CEP57L1: variants seen among roughly 807,000 people sequenced by gnomAD.
The protein encoded by CEP57L1 is centrosomal protein 57 like 1, also known as centrosomal protein CEP57L1.
Under a neutral mutation model 61.0 loss-of-function variants are expected in CEP57L1, and 37 were observed. The observed-to-expected ratio is 0.61, with a 90% CI of 0.47 to 0.80. The LOEUF (loss-of-function observed/expected upper bound fraction) is 0.80. Ranked by LOEUF, CEP57L1 falls within the 30% of genes least tolerant of loss-of-function variation. The pLI is 0.00. For synonymous variants in CEP57L1, 137 were observed against 162.3 expected, an observed-to-expected ratio of 0.84 and a Z score of 1.19; for missense variants, 422 against 524.7, an observed-to-expected ratio of 0.80 and a Z score of 1.91.
intron 1 of CEP57L1, among the ~76,000 whole-genome samples, chr6:109,120,912 G>GCGCA (rs1164116018): frequency 5.2e-5 from 7 of 133,562 alleles, no homozygotes; most frequent in African/African-American, 1.1e-4. Context: ...TTAGACACAC[G>GCGCA]CACACACACA....
intron 1 of CEP57L1, among the ~76,000 whole-genome samples, chr6:109,114,306 T>A (rs1014159263): frequency 6.6e-6 from 1 of 152,166 alleles, no homozygotes; most frequent in African/African-American, 2.4e-5. Context: ...CTTTGATGAT[T>A]AGAGATGTTG....
At chr6:109,130,638 A>G (rs1241434773) in intron 1 of CEP57L1, 2 of 150,710 alleles carry the variant, frequency 1.3e-5, no homozygotes, top group African/African-American at 2.5e-5. Flanking sequence ...TTTTTAAAGA[A>G]AACAACCCCC....
chr6:109,156,873 A>C (rs1773269570), intron 7 of CEP57L1: 2 of 152,118 alleles, frequency 1.3e-5, no homozygotes, highest in South Asian at 4.1e-4. Flanking sequence ...TTTCCCCAAT[A>C]TGACTTATTT....
chr6:109,150,647 G>A (rs920238608), intron 4 of CEP57L1, among the ~76,000 whole-genome samples: 9 of 143,438 alleles, frequency 6.3e-5, no homozygotes, highest in Non-Finnish European at 1.0e-4. Context: ...GGACGACAGA[G>A]CAAGACTCTG....
At chr6:109,106,260 T>C (rs771197876) in intron 1 of CEP57L1, among the ~76,000 whole-genome samples, 2 of 152,276 alleles carry the variant, frequency 1.3e-5, no homozygotes, top group Admixed American at 6.5e-5. Context: ...ACCAAAAAGA[T>C]TGGGGACCAC....
At chr6:109,117,061 T>G (rs1772390243) in intron 1 of CEP57L1, among the ~76,000 whole-genome samples, 1 of 152,192 alleles carries the variant, frequency 6.6e-6, no homozygotes, top group South Asian at 2.1e-4. Context: ...TTGATAAAAT[T>G]CCCGTGATTT....
chr6:109,153,057 G>A (rs1253133350), intron 4 of CEP57L1, among the ~76,000 whole-genome samples: 1 of 150,924 alleles, frequency 6.6e-6, no homozygotes, highest in Admixed American at 6.6e-5. Context: ...GTTGCAGTGA[G>A]CCAAGATTAT....
chr6:109,118,099 G>C lies in CEP57L1; in HGVS notation c.-4+22524G>C, dbSNP rs1336880266. 2.0e-5 allele frequency among the ~76,000 whole-genome samples: 3 copies of C among 152,170 alleles called. No individual in the cohort carries two copies. In the South Asian group the frequency reaches 6.2e-4, roughly 32 times the overall value. On this transcript the variant is annotated intron_variant, in intron 1 of 10. Transcript: ENST00000517392. ...CGCCCAGGCTGGAGTGCAGTGGCACGGTCTCGGCTCACTGCAACCTCTGCC... is the reference window on the plus strand; with the variant it reads ...CGCCCAGGCTGGAGTGCAGTGGCACCGTCTCGGCTCACTGCAACCTCTGCC...
At chr6:109,162,460 A>G (rs1207120280) in intron 10 of CEP57L1, among the ~76,000 whole-genome samples, 1 of 151,956 alleles carries the variant, frequency 6.6e-6, no homozygotes, top group African/African-American at 2.4e-5. Context: ...GTCTTATTCA[A>G]AGTTATCCTG....
At chr6:109,119,635 C>T (rs1772715657) in intron 1 of CEP57L1, among the ~76,000 whole-genome samples, 1 of 151,908 alleles carries the variant, frequency 6.6e-6, no homozygotes, top group Middle Eastern at 3.2e-3. Flanking sequence ...CAGTACTTGA[C>T]AAAAAAATAT....
rs1774167127 is a variant in CEP57L1 at position 109,167,229 on chromosome 6, T to C, written c.*4259T>C. Reference sequence around the variant, plus strand: ...TGTTTTTTTTTTCCTGTAAGGAGAATTAGACATAGAAAAATTATAAATTTA... The same window carrying C: ...TGTTTTTTTTTTCCTGTAAGGAGAACTAGACATAGAAAAATTATAAATTTA... On this transcript the variant is annotated 3_prime_UTR_variant, in exon 11 of 11. Transcript: ENST00000517392. 6.6e-6 allele frequency among the ~76,000 whole-genome samples: 1 copy of C among 152,202 alleles called. No individual in the cohort carries two copies. Among genetic ancestry groups the C allele is most frequent in the Non-Finnish European group, 1.5e-5 (1 of 68,038 alleles).
chr6:109,121,929 G>A (rs1438719940), intron 1 of CEP57L1, among the ~76,000 whole-genome samples: 1 of 152,134 alleles, frequency 6.6e-6, no homozygotes, highest in African/African-American at 2.4e-5. Context: ...TAACCCCACT[G>A]CCAAAGATTC....
chr6:109,115,973 G>C (rs1193418073), intron 1 of CEP57L1, among the ~76,000 whole-genome samples: 1 of 152,084 alleles, frequency 6.6e-6, no homozygotes, highest in South Asian at 2.1e-4. Context: ...ACATTTTATA[G>C]AATTGAGTTC....
chr6:109,151,545 T>C (rs550818663), intron 4 of CEP57L1, among the ~76,000 whole-genome samples: 176 of 152,290 alleles, frequency 1.2e-3, no homozygotes, highest in African/African-American at 4.1e-3. Context: ...CAATACATTA[T>C]TATTTTTGCT....
chr6:109,121,636 C>T (rs1772982039), intron 1 of CEP57L1, among the ~76,000 whole-genome samples: 1 of 152,082 alleles, frequency 6.6e-6, no homozygotes, highest in Non-Finnish European at 1.5e-5. Context: ...GGACAGTTAC[C>T]AGGGCCTGTG....
intron 1 of CEP57L1, among the ~76,000 whole-genome samples, chr6:109,106,718 C>T (rs1436954527): frequency 1.3e-5 from 2 of 152,030 alleles, no homozygotes; most frequent in Non-Finnish European, 2.9e-5. Flanking sequence ...CACTTGAGGT[C>T]AGGAGTTCAA....
Position 109,144,843 on chromosome 6 carries a change from A to G in CEP57L1, c.-3-376A>G, listed in dbSNP as rs114531338. Among the ~76,000 whole-genome samples, 1,203 of 152,170 alleles carry G rather than the reference A, an allele frequency of 7.9e-3. 20 individuals are homozygous for G. The highest frequency in any genetic ancestry group is 0.028 in the African/African-American group (1,153 of 41,550). On this transcript the variant is annotated intron_variant, in intron 1 of 10. Transcript: ENST00000517392. Reference sequence around the variant, plus strand: ...TTGGTTTGTGTTTAAAAGCTCAGTTATCTTTTAGAATATGTACTTTCTCTT... The same window carrying G: ...TTGGTTTGTGTTTAAAAGCTCAGTTGTCTTTTAGAATATGTACTTTCTCTT...
intron 1 of CEP57L1, among the ~76,000 whole-genome samples, chr6:109,112,187 C>A (rs190421234): frequency 6.6e-6 from 1 of 152,048 alleles, no homozygotes; most frequent in African/African-American, 2.4e-5. Flanking sequence ...ATTAATTGCC[C>A]CCTCAATTTC....
chr6:109,138,243 T>A (rs943692233), intron 1 of CEP57L1, among the ~76,000 whole-genome samples: 4 of 152,108 alleles, frequency 2.6e-5, no homozygotes, highest in Admixed American at 1.3e-4. Flanking sequence ...AATGACATGA[T>A]GTGACATTAT....
Sources: allele counts gnomAD v4.1 joint callset (sites outside exome capture counted in the v4.1 genomes callset), GRCh38; gene constraint gnomAD v4.1.1; transcripts MANE v1.5; gene names NCBI Gene and HGNC (gene_info 2026-07-23, HGNC 2026-07-21).